GTF2IRD1: variants seen among roughly 807,000 people sequenced by gnomAD.
The protein encoded by GTF2IRD1 is general transcription factor II-I repeat domain-containing protein 1.
GTF2IRD1 carries 26 observed loss-of-function variants against 113.2 expected under a neutral mutation model. The observed-to-expected ratio is 0.23, with a 90% CI of 0.17 to 0.32. GTF2IRD1 has a LOEUF of 0.32. GTF2IRD1 is among the 10% of genes least tolerant of loss of function. The pLI is 1.00. For missense variants in GTF2IRD1, 864 were observed against 1,280.8 expected (o/e 0.67, Z 4.97); for synonymous variants, 484 against 529.1 (o/e 0.91, Z 1.17).
intron 1 of GTF2IRD1, among the ~76,000 whole-genome samples, chr7:74,505,171 C>T (rs1796236582): frequency 6.6e-6 from 1 of 152,138 alleles, no homozygotes; most frequent in Non-Finnish European, 1.5e-5. Flanking sequence ...AAGCATGAAC[C>T]ACCGCACCCG....
At chr7:74,527,012 C>A (rs1797640186) in intron 8 of GTF2IRD1, among the ~76,000 whole-genome samples, 1 of 152,080 alleles carries the variant, frequency 6.6e-6, no homozygotes, top group African/African-American at 2.4e-5. Context: ...CTGGCACTTA[C>A]AGGAACACAG....
At chr7:74,496,133 CAT>C (rs1476223238) in intron 1 of GTF2IRD1, among the ~76,000 whole-genome samples, 1 of 150,898 alleles carries the variant, frequency 6.6e-6, no homozygotes, top group Non-Finnish European at 1.5e-5. Context: ...AGTGTGCATG[CAT>C]ATGTGAGTGC....
intron 14 of GTF2IRD1, among the ~76,000 whole-genome samples, chr7:74,540,860 C>T (rs1798595479): frequency 6.6e-6 from 1 of 151,976 alleles, no homozygotes; most frequent in Admixed American, 6.6e-5. Context: ...CTGCAACCTC[C>T]ACCTCCCGGC....
chr7:74,504,416 G>A (rs782020465), intron 1 of GTF2IRD1, among the ~76,000 whole-genome samples: 5 of 152,180 alleles, frequency 3.3e-5, no homozygotes, highest in African/African-American at 4.8e-5. Context: ...CCCAGGAGAC[G>A]GAACTTTCTG....
chr7:74,487,677 A>G (rs1795108726), intron 1 of GTF2IRD1: 1 of 152,252 alleles, frequency 6.6e-6, no homozygotes, highest in Non-Finnish European at 1.5e-5. Context: ...CATTGGTAAC[A>G]AAGATGTTAA....
chr7:74,502,442 C>T (rs931385099), intron 1 of GTF2IRD1, among the ~76,000 whole-genome samples: 1 of 152,234 alleles, frequency 6.6e-6, no homozygotes, highest in Non-Finnish European at 1.5e-5. Context: ...CCTGTTAGCT[C>T]ACTCTCTGCT....
Position 74,598,094 on chromosome 7 carries a change from G to A in GTF2IRD1, c.2630-2950G>A, listed in dbSNP as rs1409103896. ...AAAAATTAGCCAGGCGTGGTGGCGC[G>A]TACCTGTTGTCCCAGATAGTCAAGA... On this transcript the variant is annotated intron_variant, in intron 25 of 26. Transcript: ENST00000424337. 2.0e-5 allele frequency among the ~76,000 whole-genome samples: 3 copies of A among 152,222 alleles called. 1 individual carries two copies. The highest frequency in any genetic ancestry group is 4.8e-5 in the African/African-American group (2 of 41,562).
chr7:74,471,457 T>C (rs575874709), intron 1 of GTF2IRD1, among the ~76,000 whole-genome samples: 30 of 151,790 alleles, frequency 2.0e-4, no homozygotes, highest in African/African-American at 6.5e-4. Flanking sequence ...TGCGGTGAGC[T>C]ATAATTGTGC....
At chr7:74,529,378 C>T (rs782670457) in intron 8 of GTF2IRD1, among the ~76,000 whole-genome samples, 3 of 152,020 alleles carry the variant, frequency 2.0e-5, no homozygotes, top group Admixed American at 1.3e-4. Flanking sequence ...CTCAGCCTCC[C>T]GAGTAGCTGG....
intron 17 of GTF2IRD1, among the ~76,000 whole-genome samples, chr7:74,547,491 A>G (rs1583854157): frequency 7.9e-6 from 1 of 125,792 alleles, no homozygotes; most frequent in African/African-American, 3.2e-5. Flanking sequence ...CCCAGGCTGG[A>G]GTACAGTGAT....
intron 1 of GTF2IRD1, among the ~76,000 whole-genome samples, chr7:74,498,647 A>G (rs1437700691): frequency 6.6e-6 from 1 of 151,842 alleles, no homozygotes; most frequent in Non-Finnish European, 1.5e-5. Flanking sequence ...TAAATAAAAC[A>G]TAGGTAACCC....
chr7:74,531,437 G>A (rs1554348887), intron 9 of GTF2IRD1, among the ~76,000 whole-genome samples: 1 of 152,188 alleles, frequency 6.6e-6, no homozygotes, highest in Non-Finnish European at 1.5e-5. Flanking sequence ...GTTGATCGGA[G>A]AGTAAATTAC....
intron 4 of GTF2IRD1, 84 bp from the exon 5 acceptor site, chr7:74,518,055 G>A: frequency 1.0e-6 from 1 of 983,772 alleles, no homozygotes; most frequent in Non-Finnish European, 1.5e-6. Flanking sequence ...ACTCAGCACT[G>A]CCCCCACTCT....
intron 14 of GTF2IRD1, among the ~76,000 whole-genome samples, chr7:74,542,292 G>C (rs1798678482): frequency 6.6e-6 from 1 of 151,770 alleles, no homozygotes; most frequent in East Asian, 1.9e-4. Context: ...CCAGCTACTT[G>C]GGACACTGAG....
At position 74,518,178 on chromosome 7, in the gene GTF2IRD1, A is replaced by G; in HGVS notation, c.461A>G (p.Tyr154Cys). ...AGGGCCAGTGTGGTGCCACTGCCCT[A>G]TGAGAGGCTGCTCAGGGAGCCAGGG... ...LGRASVVPLPYERLLREPGLL... is the reference protein window; with the variant it reads ...LGRASVVPLPCERLLREPGLL... Residue 154 changes from tyrosine (Y) to cysteine (C), a missense_variant, in exon 5 of 27, where the codon TAT becomes TGT. Around this residue, in one of 7 missense-constraint regions of GTF2IRD1, gnomAD observed 182 missense variants for 266.6 expected, o/e 0.68. Transcript: ENST00000424337. 1.2e-6 allele frequency: 2 copies of G among 1,609,308 alleles called. No individual in the cohort carries two copies. The highest frequency in any genetic ancestry group is 1.7e-6 in the Non-Finnish European group (2 of 1,178,044).
chr7:74,518,141 G>A lies in GTF2IRD1; in HGVS notation c.424G>A (p.Glu142Lys), dbSNP rs1254225891. The A allele has an allele frequency of 8.3e-6, 13 of 1,571,276 alleles. No homozygotes were observed. The highest frequency in any genetic ancestry group is 2.3e-5 in the East Asian group (1 of 43,724). The stretch of plus-strand genomic sequence containing the variant: ...CTCTCCTGGACTCTCCCCTACAGGC[G>A]AGGCCCTGGGAAGGGCCAGTGTGGT... ...VEEVFDVLYSEALGRASVVPL... is the reference protein window; with the variant it reads ...VEEVFDVLYSKALGRASVVPL... The change falls in exon 5 of 27, where the codon GAG (glutamate) becomes AAG (lysine). Residue 142 changes from glutamate (E) to lysine (K), a missense_variant and splice_region_variant. By Grantham distance (56) the Glu-to-Lys change is moderately conservative. Around this residue, in one of 7 missense-constraint regions of GTF2IRD1, gnomAD observed 182 missense variants for 266.6 expected, o/e 0.68. Transcript: ENST00000424337.
At chr7:74,556,510 C>T (rs3819736) in intron 19 of GTF2IRD1, among the ~76,000 whole-genome samples, 54,524 of 149,710 alleles carry the variant, frequency 0.36, 11,546 homozygotes, top group African/African-American at 0.59. Context: ...TTAGTAGAGA[C>T]GGGGTTTCAC....
At chr7:74,581,462 C>T (rs1202143942) in intron 22 of GTF2IRD1, among the ~76,000 whole-genome samples, 2 of 152,228 alleles carry the variant, frequency 1.3e-5, no homozygotes, top group Non-Finnish European at 2.9e-5. Flanking sequence ...CCTTGAAGGG[C>T]CCGGTATTGC....
chr7:74,503,236 C>G (rs1004194138), intron 1 of GTF2IRD1, among the ~76,000 whole-genome samples: 18 of 151,950 alleles, frequency 1.2e-4, no homozygotes, highest in Non-Finnish European at 2.5e-4. Context: ...AGGTAGGGCA[C>G]AGGAGCCCGG....
Sources: gnomAD v4.1 joint callset for allele counts (sites outside exome capture counted in the v4.1 genomes callset) on GRCh38, gnomAD v4.1.1 for gene constraint, gnomAD v4.1.1 regional missense constraint, MANE v1.5 for transcripts, NCBI Gene and HGNC (gene_info 2026-07-23, HGNC 2026-07-21) for gene names.